PRRX2: variants seen among roughly 807,000 people sequenced by gnomAD.
PRRX2 encodes the protein paired mesoderm homeobox protein 2.
PRRX2 carries 11 observed loss-of-function variants against 18.0 expected under a neutral mutation model. The ratio of observed to expected loss-of-function variants is 0.61; its 90% CI spans 0.39 to 1.01. The LOEUF is 1.01. PRRX2 is among the 50% of genes least tolerant of loss of function. The pLI is 0.01. For synonymous variants in PRRX2, 177 were observed against 154.8 expected (o/e 1.14, Z -1.06); for missense variants, 387 against 351.0 (o/e 1.10, Z -0.82).
chr9:129,711,757 A>C (rs1410801392), intron 1 of PRRX2, among the ~76,000 whole-genome samples: 5 of 151,748 alleles, frequency 3.3e-5, no homozygotes, highest in African/African-American at 1.2e-4. Flanking sequence ...CACCCACGGC[A>C]CTCTGCTAGT....
chr9:129,722,329 A>C lies in PRRX2; in HGVS notation c.739A>C (p.Ser247Arg). ...LKAKEFSLHH[S>R]QVPTVN Reference sequence around the variant, plus strand: ...GGCCAAGGAGTTCAGCCTGCACCACAGCCAGGTGCCTACGGTGAACTGAAG... The same window carrying C: ...GGCCAAGGAGTTCAGCCTGCACCACCGCCAGGTGCCTACGGTGAACTGAAG... The change falls in exon 4 of 4, where the codon AGC becomes CGC. Residue 247 changes from serine (S) to arginine (R), a missense_variant. By Grantham distance (110) the Ser-to-Arg change is moderately radical (BLOSUM62 -1). Transcript: ENST00000372469. The C allele has an allele frequency of 1.2e-6, 2 of 1,613,990 alleles. No individual in the cohort carries two copies. Among genetic ancestry groups the C allele is most frequent in the Non-Finnish European group, 1.7e-6 (2 of 1,180,002 alleles).
At chr9:129,687,622 A>G (rs145442068) in intron 1 of PRRX2, among the ~76,000 whole-genome samples, 1 of 152,328 alleles carries the variant, frequency 6.6e-6, no homozygotes, top group African/African-American at 2.4e-5. Context: ...TGCTGCCTGG[A>G]TGAATGAATG....
chr9:129,673,801 C>T (rs368733213), intron 1 of PRRX2, among the ~76,000 whole-genome samples: 3 of 152,312 alleles, frequency 2.0e-5, no homozygotes, highest in South Asian at 4.1e-4. Flanking sequence ...TGCACCTGTG[C>T]GGGCCAAGGG....
Position 129,679,937 on chromosome 9 carries a change from C to T in PRRX2, c.259+13811C>T, listed in dbSNP as rs73670167. On this transcript the variant is annotated intron_variant, in intron 1 of 3. Transcript: ENST00000372469. ...GGAGATTCTGGCCCAACCTCAGCTC[C>T]ACTTGCTGGGTGATCTTGGCAAAGC... Among the ~76,000 whole-genome samples, 553 of 152,278 alleles carry T rather than the reference C, an allele frequency of 3.6e-3. 1 individual carries two copies. The highest frequency in any genetic ancestry group is 0.013 in the African/African-American group (537 of 41,544).
intron 1 of PRRX2, among the ~76,000 whole-genome samples, chr9:129,680,113 C>G (rs1451698136): frequency 6.6e-6 from 1 of 152,054 alleles, no homozygotes; most frequent in Non-Finnish European, 1.5e-5. Flanking sequence ...TCAGTAAACA[C>G]CAATTTAGGC....
chr9:129,676,562 A>G (rs993996853), intron 1 of PRRX2, among the ~76,000 whole-genome samples: 2 of 152,186 alleles, frequency 1.3e-5, no homozygotes, highest in Admixed American at 1.3e-4. Flanking sequence ...CTTTCAGGAC[A>G]CTGTGAAGCA....
Position 129,715,220 on chromosome 9 carries a change from A to C in PRRX2, c.260-4011A>C, listed in dbSNP as rs1832688567. 6.6e-6 allele frequency among the ~76,000 whole-genome samples: 1 copy of C among 152,076 alleles called. No individual in the cohort carries two copies. The highest frequency in any genetic ancestry group is 1.5e-5 in the Non-Finnish European group (1 of 68,012). Reference sequence around the variant, plus strand: ...CATAACCTCCTAGTCATCCCTCTAAACCAGGGTTTCTCAACCTCAGTGCCA... The same window carrying C: ...CATAACCTCCTAGTCATCCCTCTAACCCAGGGTTTCTCAACCTCAGTGCCA... On this transcript the variant is annotated intron_variant, in intron 1 of 3. Transcript: ENST00000372469. This position sits in a 1 kb window ranked among gnomAD's most constrained non-coding sequence, Gnocchi z 4.0.
At chr9:129,691,170 CAAAAAAA>C (rs59003962) in intron 1 of PRRX2, among the ~76,000 whole-genome samples, 3 of 101,264 alleles carry the variant, frequency 3.0e-5, no homozygotes, top group Admixed American at 1.1e-4. Flanking sequence ...GCTAAATATA[CAAAAAAA>C]AAAAAAAAAA....
At position 129,722,265 on chromosome 9, in the gene PRRX2, G is replaced by C; in HGVS notation, c.675G>C (p.Gly225=). Residue 225 remains glycine, a synonymous_variant, in exon 4 of 4, where the codon GGG becomes GGC. Transcript: ENST00000372469. ...GGAGCTCAGGCCCCGCAACCCCAGGGGTCAACATGGCCAACAGCATCGCCA... is the reference window on the plus strand; with the variant it reads ...GGAGCTCAGGCCCCGCAACCCCAGGCGTCAACATGGCCAACAGCATCGCCA... The part of the protein sequence containing the change: ...SPGSSGPATP[G]VNMANSIASL... 2 of 1,613,996 alleles carry C rather than the reference G, an allele frequency of 1.2e-6. No homozygotes were observed. The highest frequency in any genetic ancestry group is 1.3e-5 in the African/African-American group (1 of 75,026).
At chr9:129,667,974 C>T (rs533892503) in intron 1 of PRRX2, among the ~76,000 whole-genome samples, 1 of 152,262 alleles carries the variant, frequency 6.6e-6, no homozygotes, top group African/African-American at 2.4e-5. Context: ...TTGGGACACA[C>T]TGGGTGTGGG....
At position 129,709,696 on chromosome 9, in the gene PRRX2, G is replaced by A. The variant is rs888097994; in HGVS notation, c.260-9535G>A. On this transcript the variant is annotated intron_variant, in intron 1 of 3. Transcript: ENST00000372469. The surrounding 1 kb of genome is among the most constrained non-coding windows in gnomAD (Gnocchi z 4.2). ...AGCTATAAAAATGTGTCAGCGTCACGGGTTTTTGTTCAAAATTAATGAGGT... is the reference window on the plus strand; with the variant it reads ...AGCTATAAAAATGTGTCAGCGTCACAGGTTTTTGTTCAAAATTAATGAGGT... Among the ~76,000 whole-genome samples the A allele has an allele frequency of 5.9e-5, 9 of 152,320 alleles. No individual in the cohort carries two copies. Among genetic ancestry groups the A allele is most frequent in the South Asian group, 4.1e-4 (2 of 4,826 alleles).
At chr9:129,717,285 G>A (rs1052495273) in intron 1 of PRRX2, among the ~76,000 whole-genome samples, 1 of 152,086 alleles carries the variant, frequency 6.6e-6, no homozygotes, top group Non-Finnish European at 1.5e-5. Flanking sequence ...GCCCAGGCTG[G>A]TGTCAAAATC....
chr9:129,689,755 T>G (rs180738728), intron 1 of PRRX2, among the ~76,000 whole-genome samples: 2 of 151,420 alleles, frequency 1.3e-5, no homozygotes, highest in South Asian at 4.2e-4. Context: ...TTATTTTGCT[T>G]ATTTATTTAT....
At chr9:129,710,412 C>A (rs1424482887) in intron 1 of PRRX2, among the ~76,000 whole-genome samples, 2 of 152,200 alleles carry the variant, frequency 1.3e-5, no homozygotes, top group Admixed American at 6.5e-5. Flanking sequence ...CCCTGAATTT[C>A]TGGGGTTGAG....
chr9:129,719,968 C>G (rs1178545522), intron 2 of PRRX2, among the ~76,000 whole-genome samples: 1 of 151,928 alleles, frequency 6.6e-6, no homozygotes, highest in Non-Finnish European at 1.5e-5. Context: ...GCCTGGGTGA[C>G]AGAGTGAGAC....
chr9:129,696,139 A>G (rs954059124), intron 1 of PRRX2, among the ~76,000 whole-genome samples: 1 of 152,154 alleles, frequency 6.6e-6, no homozygotes, highest in Non-Finnish European at 1.5e-5. Flanking sequence ...GGAGGAAGAC[A>G]AAACCCACCT....
chr9:129,671,757 C>A lies in PRRX2; in HGVS notation c.259+5631C>A, dbSNP rs564455175. Reference sequence around the variant, plus strand: ...GTGAGTCAGGCGAGGCTGTCAGAGGCCCAGACAGGCAAAGCAACCTGCCCG... The same window carrying A: ...GTGAGTCAGGCGAGGCTGTCAGAGGACCAGACAGGCAAAGCAACCTGCCCG... On this transcript the variant is annotated intron_variant, in intron 1 of 3. Coordinates refer to ENST00000372469, the MANE Select transcript of PRRX2 (RefSeq NM_016307.4). This position sits in a 1 kb window ranked among gnomAD's most constrained non-coding sequence, Gnocchi z 4.0. Among the ~76,000 whole-genome samples the A allele has an allele frequency of 5.3e-5, 8 of 152,212 alleles. No homozygotes were observed. The South Asian group carries it at 1.2e-3, about 24-fold the overall frequency.
chr9:129,672,582 C>T (rs1427093401), intron 1 of PRRX2, among the ~76,000 whole-genome samples: 2 of 151,996 alleles, frequency 1.3e-5, no homozygotes, highest in Non-Finnish European at 2.9e-5. Flanking sequence ...ATTCAGGGGC[C>T]GTGAGGTGGC....
intron 1 of PRRX2, among the ~76,000 whole-genome samples, chr9:129,687,710 C>T (rs1415215452): frequency 1.3e-5 from 2 of 152,216 alleles, no homozygotes; most frequent in Non-Finnish European, 2.9e-5. Flanking sequence ...TGTGGGAACT[C>T]ATCACACCCG....
Sources: allele counts gnomAD v4.1 joint callset (sites outside exome capture counted in the v4.1 genomes callset), GRCh38; gene constraint gnomAD v4.1.1; non-coding constraint Gnocchi (gnomAD v3.1); transcripts MANE v1.5; gene names NCBI Gene and HGNC (gene_info 2026-07-23, HGNC 2026-07-21).